HYDIN: variants seen among roughly 807,000 people sequenced by gnomAD.
The protein encoded by HYDIN is axonemal central pair apparatus protein HYDIN.
A neutral mutation model predicts 403.9 loss-of-function variants in HYDIN; 132 were observed. That is an observed-to-expected ratio of 0.33 (90% CI 0.28 to 0.38). The LOEUF is 0.38. Among genes scored for constraint, HYDIN ranks in the 10% least tolerant of loss-of-function variants. The probability of loss-of-function intolerance (pLI) is 1.00; values close to 1 mark genes in which losing one functional copy is unlikely to be tolerated. For missense variants in HYDIN, 2,827 were observed against 5,009.5 expected (o/e 0.56, Z 13.15); for synonymous variants, 1,202 against 1,891.7 (o/e 0.64, Z 9.46).
At chr16:70,928,554 T>A (rs903525948) in intron 45 of HYDIN, among the ~76,000 whole-genome samples, 3 of 148,916 alleles carry the variant, frequency 2.0e-5, no homozygotes, top group African/African-American at 7.3e-5. Flanking sequence ...ACAGAAACAC[T>A]TGAAGGTGAT....
At chr16:70,942,539 G>C (rs1256502022) in intron 42 of HYDIN, among the ~76,000 whole-genome samples, 2 of 152,236 alleles carry the variant, frequency 1.3e-5, no homozygotes, top group African/African-American at 4.8e-5. Context: ...GGAGCGTAAT[G>C]ATTTTGGTAA....
chr16:70,810,826 C>T (rs907709691), intron 84 of HYDIN, among the ~76,000 whole-genome samples: 26 of 149,404 alleles, frequency 1.7e-4, no homozygotes, highest in Middle Eastern at 3.5e-3. Context: ...AGTGAGACTC[C>T]GTCTCAAAAA....
rs2035056275 is a variant in HYDIN, at chr16:70,805,159, G to A, written c.*2421C>T. ...GGGGAGGGTTAATTTCATCAACTAG[G>A]TCCTATGCAGATTTGGTAAGACTTC... On this transcript the variant is annotated 3_prime_UTR_variant, in exon 86 of 86. Coordinates refer to ENST00000393567, the MANE Select transcript of HYDIN (RefSeq NM_001270974.2). 6.6e-6 allele frequency among the ~76,000 whole-genome samples: 1 copy of A among 152,180 alleles called. No homozygotes were observed. The highest frequency in any genetic ancestry group is 1.5e-5 in the Non-Finnish European group (1 of 68,022).
rs113696220 is a variant in HYDIN, at chr16:70,841,576, A to T, written c.12874-1343T>A. ...GAAATTTAATTGCCATTGTGATGGT[A>T]TTGGGAAGTGGGACTTTTAAGAAGT... On this transcript the variant is annotated intron_variant, in intron 75 of 85. Coordinates refer to ENST00000393567, the MANE Select transcript of HYDIN (RefSeq NM_001270974.2). Among the ~76,000 whole-genome samples, 1,459 of 152,126 alleles carry T rather than the reference A, an allele frequency of 9.6e-3. 14 individuals carry two copies. The highest frequency in any genetic ancestry group is 0.088 in the Middle Eastern group (26 of 294).
intron 41 of HYDIN, among the ~76,000 whole-genome samples, chr16:70,945,041 T>C (rs1652980230): frequency 6.6e-6 from 1 of 152,196 alleles, no homozygotes; most frequent in African/African-American, 2.4e-5. Flanking sequence ...GCATGAGCCA[T>C]TGCACCCAGC....
At chr16:71,201,000 C>T (rs235986) in intron 1 of HYDIN, among the ~76,000 whole-genome samples, 105,471 of 152,074 alleles carry the variant, frequency 0.69, 38,369 homozygotes, top group African/African-American at 0.91. Flanking sequence ...TCTTCTTCCA[C>T]CCTGTTCCCT....
At chr16:70,854,490 T>C (rs932373556) in intron 73 of HYDIN, among the ~76,000 whole-genome samples, 1 of 150,822 alleles carries the variant, frequency 6.6e-6, no homozygotes, top group African/African-American at 2.4e-5. Context: ...TCTCAGCTCA[T>C]TGCAACCTAT....
At chr16:70,923,304 CT>C (rs761044069) in intron 45 of HYDIN, among the ~76,000 whole-genome samples, 3 of 119,790 alleles carry the variant, frequency 2.5e-5, no homozygotes, top group South Asian at 3.3e-4. Context: ...CCCATTTCTA[CT>C]AAAAACACAA....
intron 1 of HYDIN, chr16:71,203,939 C>T (rs941960561): frequency 2.7e-6 from 1 of 375,608 alleles, no homozygotes; most frequent in Non-Finnish European, 5.2e-6. Context: ...GTGGTGCACA[C>T]CTTTAGTCCC....
intron 7 of HYDIN, among the ~76,000 whole-genome samples, chr16:71,148,200 A>G (rs1165540503): frequency 3.3e-5 from 5 of 150,912 alleles, no homozygotes; most frequent in Admixed American, 2.0e-4. Flanking sequence ...ATTCAAGATT[A>G]AAAGTCTTAG....
intron 6 of HYDIN, among the ~76,000 whole-genome samples, chr16:71,157,123 A>G (rs2085802096): frequency 6.6e-6 from 1 of 151,370 alleles, no homozygotes; most frequent in Admixed American, 6.6e-5. Flanking sequence ...AAATGAAAAG[A>G]GTTAGATACA....
rs58055287 is a variant in HYDIN, at chr16:70,966,601, T to C, written c.5620-1705A>G. ...TTGTTATGCAGCAAAAGATAACAAA[T>C]ATAGCGTTGGGCTTCATGGACAAGA... On this transcript the variant is annotated intron_variant, in intron 36 of 85. Coordinates refer to ENST00000393567, the MANE Select transcript of HYDIN (RefSeq NM_001270974.2). 5.4e-3 allele frequency among the ~76,000 whole-genome samples: 795 copies of C among 148,078 alleles called. 5 individuals are homozygous for C. Among genetic ancestry groups the C allele is most frequent in the African/African-American group, 0.019 (754 of 39,802 alleles).
chr16:71,038,274 C>A (rs1469559348), intron 18 of HYDIN, among the ~76,000 whole-genome samples: 7 of 152,234 alleles, frequency 4.6e-5, no homozygotes, highest in African/African-American at 1.7e-4. Flanking sequence ...TTTTATTTGA[C>A]AATACGGCAG....
chr16:70,963,277 T>C (rs2078475597), intron 37 of HYDIN, among the ~76,000 whole-genome samples: 1 of 151,536 alleles, frequency 6.6e-6, no homozygotes, highest in Non-Finnish European at 1.5e-5. Flanking sequence ...ACACAGTGGG[T>C]CCTTGTGATG....
intron 23 of HYDIN, among the ~76,000 whole-genome samples, chr16:71,001,988 G>A (rs1350357418): frequency 1.3e-5 from 2 of 152,088 alleles, no homozygotes; most frequent in African/African-American, 4.8e-5. Context: ...TTCTTTATTG[G>A]CCATTCATAT....
At chr16:70,914,979 C>T (rs2076794344) in intron 47 of HYDIN, among the ~76,000 whole-genome samples, 1 of 148,634 alleles carries the variant, frequency 6.7e-6, no homozygotes, top group Non-Finnish European at 1.5e-5. Context: ...TTCAATATTT[C>T]CTGAAGTTTT....
chr16:70,811,873 T>C (rs996673343), intron 84 of HYDIN, among the ~76,000 whole-genome samples: 9 of 127,762 alleles, frequency 7.0e-5, no homozygotes, highest in African/African-American at 2.7e-4. Context: ...AAAAAAAAAA[T>C]CAGACCCAAG....
chr16:70,811,673 C>T (rs7185507), intron 84 of HYDIN, among the ~76,000 whole-genome samples: 5,100 of 151,200 alleles, frequency 0.034, 280 homozygotes, highest in African/African-American at 0.12. Context: ...GCCTGACCAA[C>T]ATGGAGAAAC....
chr16:70,955,331 T>G, intron 40 of HYDIN, 44 bp downstream of exon 40: 1 of 1,348,422 alleles, frequency 7.4e-7, no homozygotes, highest in South Asian at 1.4e-5. Context: ...TCAGTGGGGG[T>G]GTTGGTGACT....
Sources: gnomAD v4.1 joint callset for allele counts (sites outside exome capture counted in the v4.1 genomes callset) on GRCh38, gnomAD v4.1.1 for gene constraint, MANE v1.5 for transcripts, NCBI Gene and HGNC (gene_info 2026-07-23, HGNC 2026-07-21) for gene names.